SCAI: variants seen among roughly 807,000 people sequenced by gnomAD.
The protein encoded by SCAI is protein SCAI.
A neutral mutation model predicts 92.2 loss-of-function variants in SCAI; 24 were observed. That is an observed-to-expected ratio of 0.26 (90% CI 0.19 to 0.37). The LOEUF (loss-of-function observed/expected upper bound fraction) is 0.37. Ranked by LOEUF, SCAI falls within the 10% of genes least tolerant of loss-of-function variation. The pLI is 1.00. For missense variants in SCAI, 450 were observed against 736.2 expected, an observed-to-expected ratio of 0.61 and a Z score of 4.50; for synonymous variants, 261 against 258.6, an observed-to-expected ratio of 1.01 and a Z score of -0.09.
chr9:125,108,177 C>G (rs146047748), intron 2 of SCAI, among the ~76,000 whole-genome samples: 5,432 of 152,240 alleles, frequency 0.036, 34 homozygotes, highest in Non-Finnish European at 0.05. Flanking sequence ...GATCTCAGCT[C>G]GCTACAACCT....
At chr9:124,970,814 T>C (rs998713375) in intron 17 of SCAI, among the ~76,000 whole-genome samples, 1 of 152,142 alleles carries the variant, frequency 6.6e-6, no homozygotes, top group Non-Finnish European at 1.5e-5. Context: ...GTTCTACTTT[T>C]ATTTTTTTTA....
chr9:125,064,357 G>A (rs1218078857), intron 2 of SCAI, among the ~76,000 whole-genome samples: 2 of 152,000 alleles, frequency 1.3e-5, no homozygotes, highest in African/African-American at 2.4e-5. Context: ...AATTCTAGAC[G>A]GGTGCCGTGG....
At chr9:124,970,715 C>T (rs570844229) in intron 17 of SCAI, among the ~76,000 whole-genome samples, 2 of 152,110 alleles carry the variant, frequency 1.3e-5, no homozygotes, top group East Asian at 1.9e-4. Context: ...ATGAGTGAAA[C>T]TCCATCTCTA....
At chr9:125,057,402 C>T (rs1487794966) in intron 2 of SCAI, among the ~76,000 whole-genome samples, 2 of 152,098 alleles carry the variant, frequency 1.3e-5, no homozygotes, top group African/African-American at 4.8e-5. Flanking sequence ...GAAATATTTG[C>T]AGAAATAATG....
chr9:124,992,867 C>T (rs982065745), intron 14 of SCAI, among the ~76,000 whole-genome samples: 10 of 152,204 alleles, frequency 6.6e-5, no homozygotes, highest in Admixed American at 2.0e-4. Flanking sequence ...TGAGCAAATA[C>T]ATTTCCAATT....
intron 3 of SCAI, among the ~76,000 whole-genome samples, chr9:125,036,738 T>G (rs1192610190): frequency 6.6e-6 from 1 of 152,256 alleles, no homozygotes; most frequent in African/African-American, 2.4e-5. Flanking sequence ...GTCTTCATTG[T>G]GAAGACCTTT....
At position 124,997,472 on chromosome 9, in the gene SCAI, C is replaced by CAA. The variant is rs556767176; in HGVS notation, c.1244+2417_1244+2418dup. Among the ~76,000 whole-genome samples, 13 of 152,206 alleles carry CAA rather than the reference C, an allele frequency of 8.5e-5. No homozygotes were observed. The East Asian group carries it at 2.5e-3, about 29-fold the overall frequency. On this transcript the variant is annotated intron_variant, in intron 13 of 17. Transcript: ENST00000336505. ...AGGGATATTCAATATGTATTAGAAA[C>CAA]AAAGTTTTAGACCAGTCCAGTTTTC...
At chr9:125,053,329 T>C (rs1833599956) in intron 3 of SCAI, among the ~76,000 whole-genome samples, 1 of 152,056 alleles carries the variant, frequency 6.6e-6, no homozygotes. Flanking sequence ...AGCAACACTC[T>C]GTCTCAAAAA....
At position 125,003,570 on chromosome 9, in the gene SCAI, C is replaced by T. The variant is rs1192589236; in HGVS notation, c.862G>A (p.Val288Ile). Residue 288 changes from valine (V) to isoleucine (I), a missense_variant and splice_region_variant, in exon 10 of 18, where the codon GTT becomes ATT. Val to Ile is a conservative substitution (Grantham distance 29). Around this residue, in one of 3 missense-constraint regions of SCAI, gnomAD observed 360 missense variants for 601.8 expected, o/e 0.60. Coordinates refer to ENST00000336505, the MANE Select transcript of SCAI (RefSeq NM_001144877.3). ...TCAACAGTTAGTTCACTGAACTTAA[C>T]CTGCAAGAAAAAAAAAAACAAACAC... ...ALIIGNCNNQ[V>I]KFSELTVDMF... 2 of 1,595,918 alleles carry T rather than the reference C, an allele frequency of 1.3e-6. No homozygotes were observed. Among genetic ancestry groups the T allele is most frequent in the Non-Finnish European group, 1.7e-6 (2 of 1,167,352 alleles).
intron 17 of SCAI, among the ~76,000 whole-genome samples, chr9:124,964,387 T>C (rs1831499851): frequency 6.6e-6 from 1 of 152,214 alleles, no homozygotes; most frequent in Admixed American, 6.5e-5. Flanking sequence ...TTTCCTTGAT[T>C]GTCACAAATC....
At chr9:125,105,421 TTA>T (rs751760440) in intron 2 of SCAI, among the ~76,000 whole-genome samples, 42 of 152,266 alleles carry the variant, frequency 2.8e-4, no homozygotes, top group Non-Finnish European at 4.9e-4. Context: ...ATCTGTATTT[TTA>T]TGTTACCTAT....
chr9:124,992,109 G>A (rs1467840789), intron 14 of SCAI, among the ~76,000 whole-genome samples: 3 of 151,918 alleles, frequency 2.0e-5, no homozygotes, highest in African/African-American at 7.3e-5. Context: ...AATAGATTTG[G>A]GATCTTGCTA....
intron 3 of SCAI, among the ~76,000 whole-genome samples, chr9:125,039,047 A>G (rs1463421287): frequency 6.6e-6 from 1 of 152,178 alleles, no homozygotes; most frequent in Non-Finnish European, 1.5e-5. Flanking sequence ...ATACTGTGAC[A>G]GTGACAATAT....
chr9:125,139,827 GT>G (rs1174513068), intron 2 of SCAI, among the ~76,000 whole-genome samples: 2 of 152,166 alleles, frequency 1.3e-5, no homozygotes, highest in Non-Finnish European at 2.9e-5. Flanking sequence ...TGGCAGTGGG[GT>G]AATGAGAGTT....
chr9:125,068,279 T>C (rs1475571420), intron 2 of SCAI, among the ~76,000 whole-genome samples: 2 of 150,998 alleles, frequency 1.3e-5, no homozygotes, highest in East Asian at 3.9e-4. Context: ...GGCAGGAGGA[T>C]CGCTTGAGGC....
At chr9:125,074,363 T>C (rs1834043881) in intron 2 of SCAI, among the ~76,000 whole-genome samples, 1 of 150,682 alleles carries the variant, frequency 6.6e-6, no homozygotes, top group Non-Finnish European at 1.5e-5. Flanking sequence ...TTCAAGCGAT[T>C]CTCCTGCCTC....
intron 2 of SCAI, among the ~76,000 whole-genome samples, chr9:125,120,906 G>C (rs959380349): frequency 1.3e-5 from 2 of 151,552 alleles, no homozygotes; most frequent in Admixed American, 6.6e-5. Flanking sequence ...AAAAATAGGA[G>C]AGAGGACATT....
At chr9:124,994,688 A>AT (rs956138871) in intron 14 of SCAI, among the ~76,000 whole-genome samples, 25 of 151,560 alleles carry the variant, frequency 1.6e-4, no homozygotes, top group Non-Finnish European at 2.4e-4. Context: ...GAAATCTTGA[A>AT]TTTTTTTTTC....
chr9:125,018,902 G>A lies in SCAI; in HGVS notation c.758C>T (p.Ser253Leu), dbSNP rs1333350235. 3.1e-6 allele frequency: 5 copies of A among 1,613,772 alleles called. No individual in the cohort carries two copies. The highest frequency in any genetic ancestry group is 1.3e-5 in the African/African-American group (1 of 74,892). ...LNDDNTIVIT[S>L]NRLAETGAPL... Reference sequence around the variant, plus strand: ...GGCTCCTGTTTCAGCAAGGCGATTCGATGTGATAACAATGGTATTATCATC... The same window carrying A: ...GGCTCCTGTTTCAGCAAGGCGATTCAATGTGATAACAATGGTATTATCATC... The change falls in exon 9 of 18, where the codon TCG (serine) becomes TTG (leucine). Residue 253 changes from serine to leucine, a missense_variant. By Grantham distance (145) the Ser-to-Leu change is moderately radical. Coordinates refer to ENST00000336505, the MANE Select transcript of SCAI (RefSeq NM_001144877.3).
Sources: allele counts gnomAD v4.1 joint callset (sites outside exome capture counted in the v4.1 genomes callset), GRCh38; gene constraint gnomAD v4.1.1; regional missense constraint gnomAD v4.1.1; transcripts MANE v1.5; gene names NCBI Gene and HGNC (gene_info 2026-07-23, HGNC 2026-07-21).